Variants in PRKAR1A observed in about 807,000 individuals in gnomAD.
PRKAR1A encodes the protein cAMP-dependent protein kinase type I-alpha regulatory subunit.
In PRKAR1A, 3 loss-of-function variants were observed where a neutral mutation model predicts 52.0. That is an observed-to-expected ratio of 0.06 (90% CI 0.03 to 0.15). The LOEUF is 0.15. PRKAR1A is among the 10% of genes least tolerant of loss of function. The pLI, the probability that PRKAR1A is intolerant of heterozygous loss-of-function variation, is 1.00. For synonymous variants in PRKAR1A, 188 were observed against 168.4 expected (o/e 1.12, Z -0.90); for missense variants, 240 against 477.4 (o/e 0.50, Z 4.63).
intron 11 of PRKAR1A, among the ~76,000 whole-genome samples, chr17:68,550,369 CTTTTTTT>C (rs747654899): frequency 1.1e-4 from 9 of 79,390 alleles, no homozygotes; most frequent in South Asian, 5.8e-4. Flanking sequence ...AATGGGGGAA[CTTTTTTT>C]TTTTTTTTTT....
At chr17:68,542,878 C>T (rs754617092) in intron 11 of PRKAR1A, 6 of 1,217,712 alleles carry the variant, frequency 4.9e-6, no homozygotes, top group African/African-American at 1.5e-5. Context: ...TTTTGTCCCC[C>T]GGCCAGTGCA....
the PRKAR1A span, chr17:68,420,162 A>C: frequency 6.2e-7 from 1 of 1,610,714 alleles, no homozygotes; most frequent in African/African-American, 1.3e-5. Context: ...AGGGTTAGCG[A>C]GGCATTTGTT....
the PRKAR1A span, among the ~76,000 whole-genome samples, chr17:68,451,257 C>T: frequency 6.6e-5 from 10 of 152,310 alleles, no homozygotes; most frequent in African/African-American, 2.2e-4. Context: ...ATGGCGAAAC[C>T]CCATCTCTAC....
chr17:68,540,957 A>C (rs777813454), intron 11 of PRKAR1A: 1 of 1,583,256 alleles, frequency 6.3e-7, no homozygotes, highest in Non-Finnish European at 8.6e-7. Flanking sequence ...TTGACCTCCC[A>C]CCTGAGGGGG....
At chr17:68,525,461 G>A (rs578116439) in intron 6 of PRKAR1A, among the ~76,000 whole-genome samples, 2 of 152,290 alleles carry the variant, frequency 1.3e-5, no homozygotes, top group Admixed American at 1.3e-4. Flanking sequence ...GCTCAGCACG[G>A]TTCTCTAAGT....
chr17:68,442,662 A>G, the PRKAR1A span, among the ~76,000 whole-genome samples: 2 of 152,050 alleles, frequency 1.3e-5, no homozygotes, highest in African/African-American at 2.4e-5. Flanking sequence ...TCCCTCCCCA[A>G]ATCCCTGAAG....
chr17:68,490,860 C>A, the PRKAR1A span, among the ~76,000 whole-genome samples: 1 of 152,098 alleles, frequency 6.6e-6, no homozygotes, highest in Non-Finnish European at 1.5e-5. Flanking sequence ...AGAGGAGATA[C>A]TGGAGTGAAG....
the PRKAR1A span, chr17:68,450,986 A>G: frequency 1.3e-6 from 2 of 1,484,564 alleles, no homozygotes; most frequent in Non-Finnish European, 1.8e-6. Context: ...GGCGCAGGCC[A>G]GGTTCCAAAG....
the PRKAR1A span, chr17:68,424,607 G>A: frequency 1.3e-5 from 6 of 465,526 alleles, no homozygotes; most frequent in East Asian, 5.6e-5. Context: ...CGGGTGCGGC[G>A]GTTCACGCCT....
chr17:68,457,445 C>T, the PRKAR1A span: 1 of 1,386,748 alleles, frequency 7.2e-7, no homozygotes, highest in Admixed American at 3.0e-5. Flanking sequence ...CGGGAAGCCG[C>T]AGCTCGGAGC....
the PRKAR1A span, among the ~76,000 whole-genome samples, chr17:68,417,589 TG>T: frequency 6.6e-6 from 1 of 152,010 alleles, no homozygotes; most frequent in Non-Finnish European, 1.5e-5. Flanking sequence ...CTCCTGGCAC[TG>T]GTTCTTGCAG....
the PRKAR1A span, among the ~76,000 whole-genome samples, chr17:68,440,255 C>T: frequency 2.0e-5 from 3 of 152,334 alleles, no homozygotes; most frequent in Admixed American, 6.5e-5. Flanking sequence ...ACTGTGACTT[C>T]CCTATGGCCC....
chr17:68,495,973 T>TCTCCTCTCCC, the PRKAR1A span, among the ~76,000 whole-genome samples: 5 of 19,372 alleles, frequency 2.6e-4, no homozygotes, highest in Admixed American at 2.1e-3. Flanking sequence ...TCTCCTCTCC[T>TCTCCTCTCCC]CTCTCCTCTC....
At chr17:68,490,160 C>A in the PRKAR1A span, among the ~76,000 whole-genome samples, 1 of 152,226 alleles carries the variant, frequency 6.6e-6, no homozygotes, top group Non-Finnish European at 1.5e-5. Flanking sequence ...GAGCAGACAG[C>A]CCTTCAGCTC....
chr17:68,441,129 T>G, the PRKAR1A span: 3 of 152,176 alleles, frequency 2.0e-5, no homozygotes. Flanking sequence ...AGGTCTGCAG[T>G]TGGCAGGACT....
At chr17:68,495,292 C>T in the PRKAR1A span, among the ~76,000 whole-genome samples, 1 of 152,204 alleles carries the variant, frequency 6.6e-6, no homozygotes, top group Non-Finnish European at 1.5e-5. Context: ...CTTGGCCTCC[C>T]AAAGTGCTGG....
At chr17:68,464,548 G>A in the PRKAR1A span, among the ~76,000 whole-genome samples, 1 of 152,138 alleles carries the variant, frequency 6.6e-6, no homozygotes, top group Non-Finnish European at 1.5e-5. Context: ...GGGTGTGGTG[G>A]CACGTGCCTG....
intron 11 of PRKAR1A, among the ~76,000 whole-genome samples, chr17:68,546,438 G>A (rs1428309797): frequency 1.3e-5 from 2 of 151,980 alleles, no homozygotes; most frequent in East Asian, 3.9e-4. Context: ...CATCTAGAAT[G>A]GAGACTCCTT....
chr17:68,465,557 C>G, the PRKAR1A span, among the ~76,000 whole-genome samples: 1 of 151,688 alleles, frequency 6.6e-6, no homozygotes, highest in African/African-American at 2.4e-5. Context: ...GGGGTTCAAG[C>G]AATTCTCTTG....
Sources: gnomAD v4.1 joint callset for allele counts (sites outside exome capture counted in the v4.1 genomes callset) on GRCh38, gnomAD v4.1.1 for gene constraint, MANE v1.5 for transcripts, NCBI Gene and HGNC (gene_info 2026-07-23, HGNC 2026-07-21) for gene names.